Variants in SPATA24 observed in about 807,000 individuals in gnomAD.
The protein encoded by SPATA24 is spermatogenesis-associated protein 24.
SPATA24 carries 21 observed loss-of-function variants against 28.9 expected under a neutral mutation model. The observed-to-expected ratio is 0.73, with a 90% CI of 0.52 to 1.05. The LOEUF (loss-of-function observed/expected upper bound fraction) is 1.05, where lower values mean the gene tolerates loss of function less well. Ranked by LOEUF, SPATA24 falls within the 50% of genes least tolerant of loss-of-function variation. The probability of loss-of-function intolerance (pLI) is 0.00; values close to 1 mark genes in which losing one functional copy is unlikely to be tolerated. For synonymous variants in SPATA24, 76 were observed against 89.9 expected (o/e 0.85, Z 0.88); for missense variants, 215 against 242.9 (o/e 0.88, Z 0.76).
intron 4 of SPATA24, 47 bp downstream of exon 4, chr5:139,401,708 G>A (rs1758825382): frequency 6.5e-7 from 1 of 1,535,826 alleles, no homozygotes; most frequent in African/African-American, 1.4e-5. Flanking sequence ...GGTTAGGAAA[G>A]AGCCCGTTTA....
At chr5:139,395,888 C>T (rs1046905620), downstream of SPATA24, among the ~76,000 whole-genome samples, 15 of 152,322 alleles carry the variant, frequency 9.8e-5, no homozygotes, top group East Asian at 2.7e-3. Flanking sequence ...GCTCCAAAGG[C>T]CCCTGCGGCC....
chr5:139,393,831 C>G, downstream of SPATA24: 1 of 1,551,388 alleles, frequency 6.4e-7, no homozygotes, highest in Non-Finnish European at 8.7e-7. Flanking sequence ...TCCGATCCCA[C>G]GGGGACAGGT....
chr5:139,395,280 A>C, downstream of SPATA24: 3 of 440,408 alleles, frequency 6.8e-6, no homozygotes, highest in Non-Finnish European at 1.1e-5. Flanking sequence ...TGCCCAACTA[A>C]CCCCCTTCTC....
At chr5:139,394,898 C>T (rs1758669863), downstream of SPATA24, 4 of 1,512,132 alleles carry the variant, frequency 2.6e-6, no homozygotes, top group Non-Finnish European at 3.5e-6. Context: ...GCCCCCCGCC[C>T]AGGAGCCACC....
At chr5:139,395,102 A>C, downstream of SPATA24, 4 of 1,389,832 alleles carry the variant, frequency 2.9e-6, no homozygotes, top group South Asian at 6.6e-5. Context: ...GACGCCGTGC[A>C]CTATCTCCCT....
In SPATA24 at chr5:139,398,862, A is replaced by G. The variant is rs1274198329; in HGVS notation, c.386-1719T>C. On this transcript the variant is annotated intron_variant, in intron 4 of 5. Transcript: ENST00000450845. ...AACATGGTAAAACCCCGTCTCTACT[A>G]AAAATACAAAAATTAGCTGGGTGTG... is the stretch of plus-strand genomic sequence containing the variant. Among the ~76,000 whole-genome samples the G allele has an allele frequency of 4.4e-5, 5 of 112,812 alleles. 2 individuals are homozygous for G. The highest frequency in any genetic ancestry group is 8.3e-5 in the Non-Finnish European group (5 of 60,468). The allele number at this position is 112,812 out of a possible 152,430, so 74.0% of individuals were successfully genotyped here. A position where few individuals can be genotyped will look rare whatever the true frequency, so the allele number is the denominator to read the frequency against.
At chr5:139,399,498 G>A (rs913610920) in intron 4 of SPATA24, among the ~76,000 whole-genome samples, 1 of 152,170 alleles carries the variant, frequency 6.6e-6, no homozygotes, top group African/African-American at 2.4e-5. Context: ...GTCATGGGAC[G>A]AGGACTGTTG....
At chr5:139,401,428 C>T (rs966184782) in intron 4 of SPATA24, 1 of 605,464 alleles carries the variant, frequency 1.7e-6, no homozygotes, top group Non-Finnish European at 2.9e-6. Context: ...AGTGCTTGCC[C>T]TGTGTTCCTC....
downstream of SPATA24, chr5:139,393,223 G>A (rs905137839): frequency 3.2e-6 from 5 of 1,549,034 alleles, no homozygotes; most frequent in African/African-American, 1.4e-5. Flanking sequence ...CCGCGGAATG[G>A]CCATGCGCGG....
chr5:139,392,737 G>A (rs1190140269), downstream of SPATA24: 1 of 1,411,882 alleles, frequency 7.1e-7, no homozygotes, highest in Admixed American at 3.3e-5. The surrounding 1 kb of genome is among the most constrained non-coding windows in gnomAD (Gnocchi z 5.8). Flanking sequence ...TGAGCTGCGG[G>A]CGCCGCCTAG....
downstream of SPATA24, chr5:139,395,078 G>C: frequency 1.4e-6 from 2 of 1,401,324 alleles, no homozygotes; most frequent in South Asian, 3.2e-5. Flanking sequence ...AGCGCGGTCA[G>C]CATGGTGGGG....
In SPATA24 at chr5:139,404,038, G is replaced by A; in HGVS notation, c.23C>T (p.Ser8Leu). The A allele has an allele frequency of 1.3e-6, 2 of 1,551,720 alleles. No individual in the cohort carries two copies. Among genetic ancestry groups the A allele is most frequent in the South Asian group, 2.4e-5 (2 of 84,052 alleles). The change falls in exon 1 of 6, where the codon TCG becomes TTG. Residue 8 changes from serine to leucine, a missense_variant. Transcript: ENST00000450845. ...ACACACAGATCCTGACCCCGCCTTCGACCACCCGAGGGGCGTCGCCATCTT... is the reference window on the plus strand; with the variant it reads ...ACACACAGATCCTGACCCCGCCTTCAACCACCCGAGGGGCGTCGCCATCTT... MATPLGW[S>L]KAGSGSVCLA...
chr5:139,394,784 G>T (rs2152077128), downstream of SPATA24: 2 of 1,530,318 alleles, frequency 1.3e-6, no homozygotes, highest in African/African-American at 2.8e-5. Context: ...AGCTGGGGCT[G>T]GGGTGGCCGT....
chr5:139,398,462 T>C (rs911789092), intron 4 of SPATA24, among the ~76,000 whole-genome samples: 1 of 151,346 alleles, frequency 6.6e-6, no homozygotes. Flanking sequence ...CCTATAGTCC[T>C]GGCTACTTGC....
chr5:139,396,478 T>C (rs1758708409), downstream of SPATA24: 1 of 1,180,224 alleles, frequency 8.5e-7, no homozygotes, highest in Non-Finnish European at 1.1e-6. Flanking sequence ...GAACCCACTG[T>C]CTTTGAAGTT....
chr5:139,402,561 G>C, intron 2 of SPATA24, 67 bp downstream of exon 2: 1 of 1,419,372 alleles, frequency 7.0e-7, no homozygotes, highest in Non-Finnish European at 9.7e-7. Context: ...TACTTAATGA[G>C]CCTGCCTAAC....
At chr5:139,400,191 C>T (rs1230000122) in intron 4 of SPATA24, among the ~76,000 whole-genome samples, 2 of 152,152 alleles carry the variant, frequency 1.3e-5, no homozygotes, top group Non-Finnish European at 1.5e-5. Context: ...CTCAAGGCTC[C>T]ACATGGGAGC....
chr5:139,401,428 C>G (rs966184782), intron 4 of SPATA24: 3 of 605,346 alleles, frequency 5.0e-6, no homozygotes, highest in Admixed American at 5.8e-5. Context: ...AGTGCTTGCC[C>G]TGTGTTCCTC....
At chr5:139,397,226 T>C in intron 4 of SPATA24, 83 bp from the exon 5 acceptor site, 4 of 1,080,742 alleles carry the variant, frequency 3.7e-6, no homozygotes, top group Non-Finnish European at 5.5e-6. Context: ...CACGGGGCTT[T>C]TCAGAGCTTG....
Sources: gnomAD v4.1 joint callset for allele counts (sites outside exome capture counted in the v4.1 genomes callset) on GRCh38, gnomAD v4.1.1 for gene constraint, Gnocchi (gnomAD v3.1) non-coding constraint, MANE v1.5 for transcripts, NCBI Gene and HGNC (gene_info 2026-07-23, HGNC 2026-07-21) for gene names.